PLCXD3: variants seen among roughly 807,000 people sequenced by gnomAD.
The protein encoded by PLCXD3 is PI-PLC X domain-containing protein 3.
In PLCXD3, 19 loss-of-function variants were observed where a neutral mutation model predicts 25.5. That is an observed-to-expected ratio of 0.75 (90% CI 0.52 to 1.09). The LOEUF (loss-of-function observed/expected upper bound fraction) is 1.09. Among genes scored for constraint, PLCXD3 ranks in the 50% least tolerant of loss-of-function variants. The pLI is 0.00. For synonymous variants in PLCXD3, 174 were observed against 137.6 expected, an observed-to-expected ratio of 1.26 and a Z score of -1.85; for missense variants, 411 against 388.1, an observed-to-expected ratio of 1.06 and a Z score of -0.50.
At chr5:41,392,928 G>T (rs949031145) in intron 1 of PLCXD3, among the ~76,000 whole-genome samples, 6 of 152,098 alleles carry the variant, frequency 3.9e-5, no homozygotes, top group African/African-American at 1.4e-4. Flanking sequence ...GTATACTAAA[G>T]AATGCATCGG....
chr5:41,442,228 A>G lies in PLCXD3; in HGVS notation c.104-59694T>C, dbSNP rs56235361. On this transcript the variant is annotated intron_variant, in intron 1 of 2. Coordinates refer to ENST00000377801, the MANE Select transcript of PLCXD3 (RefSeq NM_001005473.3). ...TAAATCTGTATGTAACAATGAATAAACAACTCAGAAGGTGTTGATCTGACA... is the reference window on the plus strand; with the variant it reads ...TAAATCTGTATGTAACAATGAATAAGCAACTCAGAAGGTGTTGATCTGACA... Among the ~76,000 whole-genome samples, 842 of 152,348 alleles carry G rather than the reference A, an allele frequency of 5.5e-3. 8 individuals are homozygous for G. Among genetic ancestry groups the G allele is most frequent in the African/African-American group, 0.019 (796 of 41,570 alleles).
intron 1 of PLCXD3, among the ~76,000 whole-genome samples, chr5:41,471,809 TCCC>T (rs1748166280): frequency 1.7e-4 from 1 of 5,922 alleles, no homozygotes; most frequent in African/African-American, 5.8e-4. Context: ...TCCCTTCCCC[TCCC>T]CTCCCGTCCC....
intron 1 of PLCXD3, among the ~76,000 whole-genome samples, chr5:41,383,082 A>G (rs191154514): frequency 3.2e-4 from 49 of 152,264 alleles, no homozygotes; most frequent in African/African-American, 1.1e-3. Context: ...ACAAGAAGGC[A>G]GTACCATGCT....
intron 1 of PLCXD3, among the ~76,000 whole-genome samples, chr5:41,456,848 T>A (rs1291790657): frequency 1.3e-5 from 2 of 151,888 alleles, no homozygotes; most frequent in Non-Finnish European, 2.9e-5. Flanking sequence ...CTAAGATTTC[T>A]CAGCCCCCCA....
At chr5:41,420,255 GA>G (rs1746788578) in intron 1 of PLCXD3, among the ~76,000 whole-genome samples, 16 of 152,114 alleles carry the variant, frequency 1.1e-4, no homozygotes, top group Admixed American at 1.0e-3. Context: ...AAAGGGAATA[GA>G]AGAAAACTGA....
intron 1 of PLCXD3, among the ~76,000 whole-genome samples, chr5:41,407,642 C>G (rs1486066067): frequency 1.3e-5 from 2 of 152,166 alleles, no homozygotes; most frequent in Non-Finnish European, 2.9e-5. Context: ...GTATCACAAT[C>G]TACAAGACTT....
chr5:41,493,921 C>T (rs1293813556), intron 1 of PLCXD3, among the ~76,000 whole-genome samples: 1 of 152,212 alleles, frequency 6.6e-6, no homozygotes, highest in Non-Finnish European at 1.5e-5. Flanking sequence ...TGCTTCGGCT[C>T]GCGCACAGTG....
chr5:41,456,725 G>C (rs1047539652), intron 1 of PLCXD3, among the ~76,000 whole-genome samples: 2 of 151,886 alleles, frequency 1.3e-5, no homozygotes, highest in Admixed American at 6.6e-5. Flanking sequence ...AAATCCTAGA[G>C]AGATCCCTTG....
chr5:41,315,100 C>G lies in PLCXD3; in HGVS notation c.813-1330G>C, dbSNP rs1056372480. ...CAGAATCATGGTGTGTGCTTAGGAG[C>G]AATGGATCCAGGCAGACAGATACAG... On this transcript the variant is annotated intron_variant, in intron 2 of 2. Coordinates refer to ENST00000377801, the MANE Select transcript of PLCXD3 (RefSeq NM_001005473.3). Among the ~76,000 whole-genome samples the G allele has an allele frequency of 3.7e-4, 57 of 152,186 alleles. No individual in the cohort carries two copies. In the Middle Eastern group the frequency reaches 0.01, roughly 27 times the overall value.
intron 1 of PLCXD3, among the ~76,000 whole-genome samples, chr5:41,479,514 TA>T (rs771095527): frequency 3.9e-5 from 6 of 152,040 alleles, no homozygotes; most frequent in East Asian, 1.9e-4. Context: ...TTTACCTTGA[TA>T]AAAAAAACTG....
intron 2 of PLCXD3, among the ~76,000 whole-genome samples, chr5:41,331,488 A>C (rs1743802466): frequency 6.6e-6 from 1 of 152,234 alleles, no homozygotes; most frequent in African/African-American, 2.4e-5. Flanking sequence ...GGGTAAGGAG[A>C]GTCAATATCG....
chr5:41,406,476 A>T (rs985010849), intron 1 of PLCXD3, among the ~76,000 whole-genome samples: 1 of 151,982 alleles, frequency 6.6e-6, no homozygotes, highest in Non-Finnish European at 1.5e-5. Flanking sequence ...CCACTGTTAC[A>T]TTTCCTTATC....
chr5:41,382,911 C>A (rs1246153725), intron 1 of PLCXD3, among the ~76,000 whole-genome samples: 1 of 152,106 alleles, frequency 6.6e-6, no homozygotes, highest in African/African-American at 2.4e-5. Context: ...AAATACTTTG[C>A]AGTCTTACCC....
intron 2 of PLCXD3, among the ~76,000 whole-genome samples, chr5:41,371,659 G>T (rs1253250728): frequency 6.6e-6 from 1 of 152,062 alleles, no homozygotes; most frequent in African/African-American, 2.4e-5. Context: ...GTTCTCCCTT[G>T]CTGCAACAGA....
intron 2 of PLCXD3, among the ~76,000 whole-genome samples, chr5:41,342,432 G>A (rs570612753): frequency 9.2e-5 from 14 of 152,066 alleles, no homozygotes; most frequent in African/African-American, 3.4e-4. Context: ...AGATTTTATT[G>A]ACTCTGTTTC....
intron 1 of PLCXD3, among the ~76,000 whole-genome samples, chr5:41,458,073 A>C (rs562327932): frequency 6.6e-6 from 1 of 151,894 alleles, no homozygotes; most frequent in South Asian, 2.1e-4. Flanking sequence ...GGAGAAACTA[A>C]ATAGGAGTTG....
In PLCXD3 at chr5:41,382,077, C is replaced by T. The variant is rs1482767946; in HGVS notation, c.561G>A (p.Lys187=). ...QEVSLKYLWE[K]DYQVLVFYHS... ...GGTAGAAGACCAGCACTTGATAGTC[C>T]TTCTCCCACAGGTACTTTAAACTAA... The change falls in exon 2 of 3, where the codon AAG becomes AAA. Residue 187 remains lysine, a synonymous_variant. Coordinates refer to ENST00000377801, the MANE Select transcript of PLCXD3 (RefSeq NM_001005473.3). 2 of 1,613,694 alleles carry T rather than the reference C, an allele frequency of 1.2e-6. No homozygotes were observed. Among genetic ancestry groups the T allele is most frequent in the East Asian group, 2.2e-5 (1 of 44,840 alleles).
chr5:41,495,716 G>T (rs1482584576), intron 1 of PLCXD3, among the ~76,000 whole-genome samples: 1 of 152,118 alleles, frequency 6.6e-6, no homozygotes, highest in Non-Finnish European at 1.5e-5. Flanking sequence ...CACAGAGAAG[G>T]TTTGAGAGTC....
intron 2 of PLCXD3, among the ~76,000 whole-genome samples, chr5:41,350,564 AG>A (rs1344165549): frequency 1.3e-5 from 2 of 152,210 alleles, no homozygotes; most frequent in African/African-American, 4.8e-5. Flanking sequence ...TTGGGTAATT[AG>A]GTACAGATTA....
Sources: gnomAD v4.1 joint callset for allele counts (sites outside exome capture counted in the v4.1 genomes callset) on GRCh38, gnomAD v4.1.1 for gene constraint, MANE v1.5 for transcripts, NCBI Gene and HGNC (gene_info 2026-07-23, HGNC 2026-07-21) for gene names.